Variants in CTBS observed in about 807,000 individuals in gnomAD.
CTBS encodes the protein di-N-acetylchitobiase.
In CTBS, 35 loss-of-function variants were observed where a neutral mutation model predicts 44.3. The ratio of observed to expected loss-of-function variants is 0.79; its 90% CI spans 0.60 to 1.05. The LOEUF is 1.05. Among genes scored for constraint, CTBS ranks in the 50% least tolerant of loss-of-function variants. The pLI is 0.00. For missense variants in CTBS, 458 were observed against 475.3 expected (o/e 0.96, Z 0.34); for synonymous variants, 143 against 168.0 (o/e 0.85, Z 1.15).
At chr1:84,570,947 G>A (rs1647285235) in intron 1 of CTBS, among the ~76,000 whole-genome samples, 1 of 152,160 alleles carries the variant, frequency 6.6e-6, no homozygotes, top group African/African-American at 2.4e-5. Flanking sequence ...GCCAAGGCCT[G>A]GAGGCAGAGA....
chr1:84,553,738 T>G lies in CTBS; in HGVS notation c.*1261A>C, dbSNP rs1684344666. Reference sequence around the variant, plus strand: ...GTAAATAGGAAATGTAATATTCTCATAACAGATGGTTCAATCATCATGTAT... The same window carrying G: ...GTAAATAGGAAATGTAATATTCTCAGAACAGATGGTTCAATCATCATGTAT... On this transcript the variant is annotated 3_prime_UTR_variant, in exon 7 of 7. Coordinates refer to ENST00000370630, the MANE Select transcript of CTBS (RefSeq NM_004388.3). 6.6e-6 allele frequency: 1 copy of G among 152,156 alleles called. No individual in the cohort carries two copies. Among genetic ancestry groups the G allele is most frequent in the Non-Finnish European group, 1.5e-5 (1 of 68,024 alleles). 9.4% of individuals were successfully genotyped at this position (152,156 alleles called of 1,614,324 possible).
rs769407971 is a variant in CTBS at position 84,563,733 on chromosome 1, A to G, written c.795+2T>C. ...AATTATGTAACAAATGACTGTTCCT[A>G]CCTCAGACAGATTCAGGCAGGTATA... On this transcript the variant is annotated splice_donor_variant, in intron 5 of 6. Coordinates refer to ENST00000370630, the MANE Select transcript of CTBS (RefSeq NM_004388.3). LOFTEE classifies it high-confidence loss of function. 3 of 1,563,790 alleles carry G rather than the reference A, an allele frequency of 1.9e-6. No individual in the cohort carries two copies. The highest frequency in any genetic ancestry group is 2.6e-6 in the Non-Finnish European group (3 of 1,145,896).
chr1:84,574,390 C>CA lies in CTBS; in HGVS notation c.25dup (p.Trp9LeufsTer6). On this transcript the variant is annotated frameshift_variant, in exon 1 of 7. Transcript: ENST00000370630. LOFTEE classifies it high-confidence loss of function. Reference sequence around the variant, plus strand: ...GCTCGGCGGGCTAGAGACGAGGCGCCAGCGTCGAAGCTGCGGCCGGGACAT... The same window carrying CA: ...GCTCGGCGGGCTAGAGACGAGGCGCCAAGCGTCGAAGCTGCGGCCGGGACAT... 1 of 1,559,098 alleles carries CA rather than the reference C, an allele frequency of 6.4e-7. No individual in the cohort carries two copies. Among genetic ancestry groups the CA allele is most frequent in the Admixed American group, 1.9e-5 (1 of 52,212 alleles).
At chr1:84,573,720 T>C (rs889809258) in intron 1 of CTBS, among the ~76,000 whole-genome samples, 1 of 152,180 alleles carries the variant, frequency 6.6e-6, no homozygotes, top group Non-Finnish European at 1.5e-5. Context: ...GTTATGTAGA[T>C]AGAAGGAAAA....
chr1:84,570,027 CTCTATA>C lies in CTBS; in HGVS notation c.423_428del (p.Asp141_Ile142del). 2 of 1,613,546 alleles carry C rather than the reference CTCTATA, an allele frequency of 1.2e-6. No homozygotes were observed. Among genetic ancestry groups the C allele is most frequent in the East Asian group, 2.2e-5 (1 of 44,782 alleles). ...CAGGTGATAAACAATTAACTTCTTGCTCTATATCTATATTAATTCCATCCATATATT... is the reference window on the plus strand; with the variant it reads ...CAGGTGATAAACAATTAACTTCTTGCTCTATATTAATTCCATCCATATATT... On this transcript the variant is annotated inframe_deletion, in exon 3 of 7. Coordinates refer to ENST00000370630, the MANE Select transcript of CTBS (RefSeq NM_004388.3).
Position 84,550,239 on chromosome 1 carries a change from G to A in CTBS, c.*4760C>T. The A allele has an allele frequency of 2.8e-6, 1 of 356,458 alleles. No individual in the cohort carries two copies. Among genetic ancestry groups the A allele is most frequent in the East Asian group, 4.2e-5 (1 of 23,910 alleles). 22.1% of individuals were successfully genotyped at this position (356,458 alleles called of 1,614,324 possible). A position where few individuals can be genotyped will look rare whatever the true frequency, so the allele number is the denominator to read the frequency against. ...ATTTAATGGTAACTTTAGAGAAAGT[G>A]TTCCCTAAAATGCAAGAAATCAACA... On this transcript the variant is annotated 3_prime_UTR_variant, in exon 7 of 7. Transcript: ENST00000370630.
intron 4 of CTBS, among the ~76,000 whole-genome samples, chr1:84,564,528 G>A (rs1183611225): frequency 1.3e-5 from 2 of 152,058 alleles, no homozygotes; most frequent in African/African-American, 4.8e-5. Flanking sequence ...AAACATATTG[G>A]TTTATTTAGT....
intron 6 of CTBS, among the ~76,000 whole-genome samples, chr1:84,558,718 T>C (rs560246101): frequency 1.9e-4 from 28 of 151,168 alleles, no homozygotes; most frequent in African/African-American, 6.3e-4. Context: ...CTGGGCAATA[T>C]AGAAAGACCC....
chr1:84,574,114 G>A, intron 1 of CTBS, 125 bp downstream of exon 1: 2 of 1,495,842 alleles, frequency 1.3e-6, no homozygotes, highest in Middle Eastern at 1.7e-4. Flanking sequence ...TAAACAGGAA[G>A]GCCCTCATCG....
At chr1:84,572,097 A>G (rs2102032780) in intron 1 of CTBS, among the ~76,000 whole-genome samples, 2 of 152,322 alleles carry the variant, frequency 1.3e-5, no homozygotes, top group East Asian at 3.9e-4. Flanking sequence ...GTGGGAATCA[A>G]TTAGAGTTTT....
chr1:84,560,624 CTT>C (rs1346968093), intron 6 of CTBS, among the ~76,000 whole-genome samples: 2 of 152,164 alleles, frequency 1.3e-5, no homozygotes, highest in Non-Finnish European at 1.5e-5. Flanking sequence ...CCATTTAAGA[CTT>C]TGCTAGCTAG....
Position 84,563,392 on chromosome 1 carries a change from G to C in CTBS, c.822C>G (p.Val274=), listed in dbSNP as rs772777295. The C allele has an allele frequency of 6.3e-7, 1 of 1,574,816 alleles. No homozygotes were observed. The highest frequency in any genetic ancestry group is 8.6e-7 in the Non-Finnish European group (1 of 1,163,144). The change falls in exon 6 of 7, where the codon GTC becomes GTG. Residue 274 remains valine, a synonymous_variant. Coordinates refer to ENST00000370630, the MANE Select transcript of CTBS (RefSeq NM_004388.3). ...CACTACAAGGAGCCCCCCGGAAAGGGACTTTTGCAATGGTACAAACATGAT... is the reference window on the plus strand; with the variant it reads ...CACTACAAGGAGCCCCCCGGAAAGGCACTTTTGCAATGGTACAAACATGAT... ...SEDHVCTIAK[V]PFRGAPCSDA...
At chr1:84,560,258 ACCT>A (rs1342746815) in intron 6 of CTBS, among the ~76,000 whole-genome samples, 6 of 152,092 alleles carry the variant, frequency 3.9e-5, no homozygotes, top group African/African-American at 1.4e-4. Flanking sequence ...TCCCACCACC[ACCT>A]TTCTGTGTAA....
intron 6 of CTBS, among the ~76,000 whole-genome samples, chr1:84,557,841 TAGTG>T (rs1485826283): frequency 7.0e-6 from 1 of 142,788 alleles, no homozygotes; most frequent in Non-Finnish European, 1.5e-5. Flanking sequence ...GTGGGCGACA[TAGTG>T]AGACTCCATC....
intron 3 of CTBS, among the ~76,000 whole-genome samples, chr1:84,567,723 G>C (rs907450128): frequency 2.0e-5 from 3 of 151,834 alleles, no homozygotes; most frequent in African/African-American, 7.3e-5. Context: ...AAAAACCTTG[G>C]GGCCATTTTC....
At chr1:84,572,769 C>T (rs1647352324) in intron 1 of CTBS, among the ~76,000 whole-genome samples, 2 of 151,864 alleles carry the variant, frequency 1.3e-5, no homozygotes, top group Admixed American at 1.3e-4. Flanking sequence ...CGCTCCGCCT[C>T]CCAGGTTCAA....
At chr1:84,565,005 C>T (rs1374977915) in intron 4 of CTBS, among the ~76,000 whole-genome samples, 2 of 151,872 alleles carry the variant, frequency 1.3e-5, no homozygotes, top group Non-Finnish European at 2.9e-5. Context: ...TGCCACTGCA[C>T]TCCAGCCTGG....
At position 84,553,084 on chromosome 1, in the gene CTBS, C is replaced by CAAAA; in HGVS notation, c.*1914_*1915insTTTT. ...TTACGAACATTGAAAACTGAACTGG[C>CAAAA]ACAGAAAAAAAAAATAATACATCTC... On this transcript the variant is annotated 3_prime_UTR_variant, in exon 7 of 7. Coordinates refer to ENST00000370630, the MANE Select transcript of CTBS (RefSeq NM_004388.3). 1 of 1,515,194 alleles carries CAAAA rather than the reference C, an allele frequency of 6.6e-7. No homozygotes were observed. Among genetic ancestry groups the CAAAA allele is most frequent in the Admixed American group, 2.4e-5 (1 of 42,510 alleles). The allele number at this position is 1,515,194 out of a possible 1,614,324, so 93.9% of individuals were successfully genotyped here.
intron 6 of CTBS, among the ~76,000 whole-genome samples, chr1:84,559,689 A>G (rs1219590608): frequency 6.6e-6 from 1 of 152,204 alleles, no homozygotes; most frequent in African/African-American, 2.4e-5. Flanking sequence ...TTTTGCAATG[A>G]ATAAAAAAGA....
Sources: allele counts gnomAD v4.1 joint callset (sites outside exome capture counted in the v4.1 genomes callset), GRCh38; gene constraint gnomAD v4.1.1; transcripts MANE v1.5; gene names NCBI Gene and HGNC (gene_info 2026-07-23, HGNC 2026-07-21).